CTNNA2: variants seen among roughly 807,000 people sequenced by gnomAD.
The protein encoded by CTNNA2 is catenin alpha-2.
Under a neutral mutation model 101.0 loss-of-function variants are expected in CTNNA2, and 42 were observed. That is an observed-to-expected ratio of 0.42 (90% confidence interval 0.32 to 0.54). The LOEUF (loss-of-function observed/expected upper bound fraction) is 0.54. Among genes scored for constraint, CTNNA2 ranks in the 20% least tolerant of loss-of-function variants. CTNNA2 has a pLI of 0.14. For missense variants in CTNNA2, 871 were observed against 1,223.1 expected (o/e 0.71, Z 4.29); for synonymous variants, 450 against 456.4 (o/e 0.99, Z 0.18).
At chr2:80,553,498 T>C (rs145117168) in intron 11 of CTNNA2, among the ~76,000 whole-genome samples, 3 of 152,276 alleles carry the variant, frequency 2.0e-5, no homozygotes, top group African/African-American at 4.8e-5. Flanking sequence ...TTTTAACATA[T>C]TGGGTCATGA....
chr2:80,111,052 G>T (rs1242592006), intron 7 of CTNNA2, among the ~76,000 whole-genome samples: 1 of 151,926 alleles, frequency 6.6e-6, no homozygotes, highest in Non-Finnish European at 1.5e-5. Flanking sequence ...AGCAAATAGG[G>T]AAAAGCCCTT....
At chr2:79,463,147 C>T (rs1573177398) in intron 4 of CTNNA2, among the ~76,000 whole-genome samples, 1 of 152,150 alleles carries the variant, frequency 6.6e-6, no homozygotes, top group Non-Finnish European at 1.5e-5. Context: ...CGCAGTGGCT[C>T]ATGCCTGTAA....
chr2:79,464,831 GT>G (rs917603005), intron 4 of CTNNA2, among the ~76,000 whole-genome samples: 16 of 148,970 alleles, frequency 1.1e-4, no homozygotes, highest in South Asian at 4.3e-4. Flanking sequence ...TGATGAAGTT[GT>G]TTTTTTTTTC....
At chr2:79,669,463 G>A (rs1002017231) in intron 2 of CTNNA2, among the ~76,000 whole-genome samples, 1 of 152,168 alleles carries the variant, frequency 6.6e-6, no homozygotes, top group African/African-American at 2.4e-5. Flanking sequence ...CCTGCATACA[G>A]GAAGAATGAG....
chr2:80,130,737 G>A lies in CTNNA2; in HGVS notation c.1056+220940G>A, dbSNP rs539208003. 3.2e-4 allele frequency among the ~76,000 whole-genome samples: 48 copies of A among 151,548 alleles called. 2 individuals are homozygous for A. The South Asian group carries it at 9.8e-3, about 31-fold the overall frequency. ...CAAATCTGCTTTGAAGACTGTGTTTGTTATTTCTTGTACTCTTTTTTTTTT... is the reference window on the plus strand; with the variant it reads ...CAAATCTGCTTTGAAGACTGTGTTTATTATTTCTTGTACTCTTTTTTTTTT... On this transcript the variant is annotated intron_variant, in intron 7 of 18. Coordinates refer to ENST00000402739, the MANE Select transcript of CTNNA2 (RefSeq NM_001282597.3).
chr2:79,451,526 T>C (rs1007463784), intron 4 of CTNNA2, among the ~76,000 whole-genome samples: 4 of 151,948 alleles, frequency 2.6e-5, no homozygotes, highest in African/African-American at 7.2e-5. Context: ...CATTCGTTTG[T>C]AATATAATCT....
In CTNNA2 at chr2:80,304,102, G is replaced by GAA. The variant is rs766640093; in HGVS notation, c.1057-89100_1057-89099dup. The GAA allele has an allele frequency of 3.3e-5, 11 of 336,736 alleles. No individual in the cohort carries two copies. In the South Asian group the frequency reaches 1.5e-3, roughly 46 times the overall value. The allele number at this position is 336,736 out of a possible 1,614,324, so 20.9% of individuals were successfully genotyped here. ...AGATGCTGCAGCAAAGAAAAGGGAG[G>GAA]AAAAAAAAAATCTTCGGGAAAGAAT... On this transcript the variant is annotated intron_variant, in intron 7 of 18. Transcript: ENST00000402739.
At chr2:80,551,546 T>C (rs1260280705) in intron 11 of CTNNA2, among the ~76,000 whole-genome samples, 1 of 152,202 alleles carries the variant, frequency 6.6e-6, no homozygotes. Flanking sequence ...CACTTGCTGG[T>C]TTACCTTGCA....
intron 9 of CTNNA2, among the ~76,000 whole-genome samples, chr2:80,499,648 C>T (rs1048750504): frequency 3.3e-5 from 5 of 151,978 alleles, no homozygotes; most frequent in African/African-American, 1.2e-4. Context: ...CACAGCAAAA[C>T]CCTGTCTGTT....
At chr2:80,336,109 C>T (rs1671745063) in intron 7 of CTNNA2, among the ~76,000 whole-genome samples, 1 of 152,180 alleles carries the variant, frequency 6.6e-6, no homozygotes, top group African/African-American at 2.4e-5. Context: ...CTTAGACTGG[C>T]TGACTTAAAA....
At chr2:80,624,762 T>G (rs1467558772) in intron 18 of CTNNA2, among the ~76,000 whole-genome samples, 1 of 152,032 alleles carries the variant, frequency 6.6e-6, no homozygotes, top group African/African-American at 2.4e-5. Flanking sequence ...GTATAGATAC[T>G]GTCACTTTCT....
chr2:80,405,220 G>T (rs185216158), intron 8 of CTNNA2, among the ~76,000 whole-genome samples: 21 of 152,264 alleles, frequency 1.4e-4, no homozygotes, highest in African/African-American at 5.1e-4. Context: ...TTCTTTACTT[G>T]ATTCTTTATT....
chr2:80,109,804 C>G (rs1701104354), intron 7 of CTNNA2, among the ~76,000 whole-genome samples: 1 of 152,146 alleles, frequency 6.6e-6, no homozygotes, highest in Non-Finnish European at 1.5e-5. Context: ...CCAGGGCTCT[C>G]CTGGCTCCCC....
intron 2 of CTNNA2, among the ~76,000 whole-genome samples, chr2:79,289,853 C>A (rs1021657191): frequency 2.6e-5 from 4 of 152,200 alleles, no homozygotes; most frequent in Admixed American, 2.6e-4. Flanking sequence ...CAATATAATA[C>A]TTAGGAGTGA....
intron 12 of CTNNA2, among the ~76,000 whole-genome samples, chr2:80,556,518 G>C (rs1693046315): frequency 6.6e-6 from 1 of 152,172 alleles, no homozygotes; most frequent in African/African-American, 2.4e-5. Context: ...GCTGCTCACA[G>C]GACTCACTGC....
At chr2:79,687,320 G>A (rs981819558) in intron 2 of CTNNA2, among the ~76,000 whole-genome samples, 2 of 151,940 alleles carry the variant, frequency 1.3e-5, no homozygotes, top group Non-Finnish European at 2.9e-5. Flanking sequence ...AAGTTCTAAG[G>A]AGCACAGTAG....
intron 7 of CTNNA2, among the ~76,000 whole-genome samples, chr2:79,999,939 G>A (rs879106644): frequency 4.6e-5 from 7 of 152,170 alleles, no homozygotes; most frequent in Non-Finnish European, 8.8e-5. Flanking sequence ...GTATAGACGA[G>A]AAAGAGATGG....
chr2:79,428,488 G>C (rs1678616498), intron 4 of CTNNA2, among the ~76,000 whole-genome samples: 1 of 152,084 alleles, frequency 6.6e-6, no homozygotes, highest in Admixed American at 6.6e-5. Flanking sequence ...GGCAATTACA[G>C]ATCAAGTTCA....
At chr2:80,353,064 C>T (rs1445715472) in intron 7 of CTNNA2, among the ~76,000 whole-genome samples, 3 of 152,112 alleles carry the variant, frequency 2.0e-5, no homozygotes, top group African/African-American at 7.2e-5. Flanking sequence ...ACTATGTCTT[C>T]CCCAAGAAAC....
Sources: allele counts gnomAD v4.1 joint callset (sites outside exome capture counted in the v4.1 genomes callset), GRCh38; gene constraint gnomAD v4.1.1; transcripts MANE v1.5; gene names NCBI Gene and HGNC (gene_info 2026-07-23, HGNC 2026-07-21).